SLC6A5: variants seen among roughly 807,000 people sequenced by gnomAD.
The protein encoded by SLC6A5 is sodium- and chloride-dependent glycine transporter 2.
A neutral mutation model predicts 90.5 loss-of-function variants in SLC6A5; 58 were observed. The observed-to-expected ratio is 0.64, with a 90% confidence interval of 0.52 to 0.80. SLC6A5 has a LOEUF of 0.80. Among genes scored for constraint, SLC6A5 ranks in the 30% least tolerant of loss-of-function variants. SLC6A5 has a pLI of 0.00. For synonymous variants in SLC6A5, 427 were observed against 401.4 expected (o/e 1.06, Z -0.76); for missense variants, 1,015 against 1,017.6 (o/e 1.00, Z 0.03).
chr11:20,642,385 C>T (rs916460807), intron 13 of SLC6A5, among the ~76,000 whole-genome samples: 5 of 152,086 alleles, frequency 3.3e-5, no homozygotes, highest in East Asian at 1.9e-4. Context: ...ATCTTTTGGT[C>T]GTATGCAGTT....
intron 11 of SLC6A5, 94 bp downstream of exon 11, chr11:20,636,513 C>A: frequency 3.8e-6 from 3 of 789,596 alleles, no homozygotes; most frequent in African/African-American, 1.7e-5. Flanking sequence ...GAGGGGTAGG[C>A]TTACGGGTGT....
In SLC6A5 at chr11:20,658,493, C is replaced by G. The variant is rs1590187809; in HGVS notation, c.*3625C>G. 1 of 152,244 alleles carries G rather than the reference C, an allele frequency of 6.6e-6. No homozygotes were observed. Among genetic ancestry groups the G allele is most frequent in the Admixed American group, 6.5e-5 (1 of 15,288 alleles). The allele number at this position is 152,244 out of a possible 1,614,324, so 9.4% of individuals were successfully genotyped here. A position where few individuals can be genotyped will look rare whatever the true frequency, so the allele number is the denominator to read the frequency against. On this transcript the variant is annotated 3_prime_UTR_variant, in exon 16 of 16. Transcript: ENST00000525748. ...CTTCTCTTTCACACTGGGTATCAAGCAGAAAACTTCCAGGCTGGGAGCAAA... is the reference window on the plus strand; with the variant it reads ...CTTCTCTTTCACACTGGGTATCAAGGAGAAAACTTCCAGGCTGGGAGCAAA...
intron 5 of SLC6A5, among the ~76,000 whole-genome samples, chr11:20,611,850 A>G (rs796308469): frequency 9.9e-5 from 15 of 151,592 alleles, no homozygotes; most frequent in African/African-American, 3.6e-4. Flanking sequence ...TTATCAGCAC[A>G]TGAGCGTGTT....
At chr11:20,630,452 A>G (rs1853086756) in intron 9 of SLC6A5, among the ~76,000 whole-genome samples, 1 of 152,232 alleles carries the variant, frequency 6.6e-6, no homozygotes, top group South Asian at 2.1e-4. Context: ...ATTTATATAG[A>G]TCGTGGAGTC....
intron 13 of SLC6A5, among the ~76,000 whole-genome samples, chr11:20,645,509 G>C (rs1359222522): frequency 6.6e-6 from 1 of 152,118 alleles, no homozygotes; most frequent in Non-Finnish European, 1.5e-5. Context: ...AGCGACCAAG[G>C]TCTAGAAAGA....
At chr11:20,644,002 A>G (rs187798964) in intron 13 of SLC6A5, among the ~76,000 whole-genome samples, 2 of 152,276 alleles carry the variant, frequency 1.3e-5, no homozygotes, top group African/African-American at 4.8e-5. Flanking sequence ...AGTTAATTTT[A>G]AGATTGAAGT....
At chr11:20,601,783 T>A in intron 2 of SLC6A5, 118 bp downstream of exon 2, 1 of 1,119,338 alleles carries the variant, frequency 8.9e-7, no homozygotes. Context: ...CAGTGCCAGG[T>A]GATGGATGCG....
At chr11:20,615,841 C>A (rs1361393368) in intron 6 of SLC6A5, among the ~76,000 whole-genome samples, 1 of 152,140 alleles carries the variant, frequency 6.6e-6, no homozygotes, top group East Asian at 1.9e-4. Flanking sequence ...GGGGTGGGGA[C>A]TGTAGCAAAC....
intron 8 of SLC6A5, among the ~76,000 whole-genome samples, 185 bp downstream of exon 8, chr11:20,627,027 A>T (rs913134728): frequency 7.9e-5 from 12 of 152,158 alleles, no homozygotes; most frequent in African/African-American, 2.9e-4. Flanking sequence ...GGGTTTTTAG[A>T]TTCCTGGAAT....
At chr11:20,627,915 G>T in intron 8 of SLC6A5, 65 bp from the exon 9 acceptor site, 1 of 1,187,896 alleles carries the variant, frequency 8.4e-7, no homozygotes, top group South Asian at 1.2e-5. Flanking sequence ...CTGGGTGTGT[G>T]ACTCCTCTCC....
intron 14 of SLC6A5, among the ~76,000 whole-genome samples, chr11:20,649,419 C>T (rs904819436): frequency 2.0e-5 from 3 of 152,134 alleles, no homozygotes; most frequent in African/African-American, 7.2e-5. Flanking sequence ...CTCTCATGGC[C>T]AGTCCCAGCC....
rs979821579 is a variant in SLC6A5 at position 20,638,473 on chromosome 11, G to A, written c.1884G>A (p.Met628Ile). Residue 628 changes from methionine to isoleucine, a missense_variant, in exon 13 of 16, where the codon ATG (methionine) becomes ATA (isoleucine). By Grantham distance (10) the Met-to-Ile change is conservative. This residue lies in a region of SLC6A5 where 442 missense variants were observed against 494.3 expected (regional missense o/e 0.89). Transcript: ENST00000525748. The stretch of plus-strand genomic sequence containing the variant: ...TCTCCTGTTAGGGTGGAATTTACAT[G>A]TTTCAGCTTGTGGACACCTATGCTG... ...FPMITQGGIYMFQLVDTYAAS... is the reference protein window; with the variant it reads ...FPMITQGGIYIFQLVDTYAAS... The A allele has an allele frequency of 8.7e-6, 14 of 1,611,308 alleles. No individual in the cohort carries two copies. The highest frequency in any genetic ancestry group is 1.6e-4 in the Middle Eastern group (1 of 6,078).
Position 20,654,817 on chromosome 11 carries a change from C to A in SLC6A5, c.2343C>A (p.Ser781=), listed in dbSNP as rs2133827697. The change falls in exon 16 of 16, where the codon TCC becomes TCA. Residue 781 remains serine, a synonymous_variant. Transcript: ENST00000525748. ...TGATCGACCCCTTGGGAACCTCTTCCTTGGGACTCAAACTGCCAGTGAAGG... is the reference window on the plus strand; with the variant it reads ...TGATCGACCCCTTGGGAACCTCTTCATTGGGACTCAAACTGCCAGTGAAGG... ...KNMIDPLGTS[S]LGLKLPVKDL... is the part of the protein sequence containing the mutation. 6.2e-7 allele frequency: 1 copy of A among 1,614,168 alleles called. No individual in the cohort carries two copies. The highest frequency in any genetic ancestry group is 1.1e-5 in the South Asian group (1 of 91,086).
chr11:20,601,048 C>T, intron 1 of SLC6A5, 81 bp from the exon 2 acceptor site: 1 of 1,423,368 alleles, frequency 7.0e-7, no homozygotes, highest in South Asian at 1.3e-5. Context: ...ACCTGAGTTG[C>T]GAACGTCTCC....
At chr11:20,640,493 GGACCACCCAGGGA>G (rs1853291306) in intron 13 of SLC6A5, among the ~76,000 whole-genome samples, 1 of 151,914 alleles carries the variant, frequency 6.6e-6, no homozygotes, top group South Asian at 2.1e-4. Context: ...ATTTTCCTTG[GGACCACCCAGGGA>G]ATCCCCTGGT....
chr11:20,636,309 C>T lies in SLC6A5; in HGVS notation c.1627C>T (p.Pro543Ser), dbSNP rs555858151. 4.2e-5 allele frequency: 67 copies of T among 1,603,994 alleles called. No individual in the cohort carries two copies. In the South Asian group the frequency reaches 6.2e-4, roughly 15 times the overall value. ...ATCATCTGTCTTGTTCCTTCCAGGG[C>T]CAGGCATTGCATTTGTGGTTTACCC... The part of the protein sequence containing the change: ...VNIENVADQG[P>S]GIAFVVYPEA... The change falls in exon 11 of 16, where the codon CCA (proline) becomes TCA (serine). Residue 543 changes from proline (P) to serine (S), a missense_variant and splice_region_variant. Physicochemically the swap from Pro to Ser is moderately conservative, Grantham distance 74. Transcript: ENST00000525748.
intron 14 of SLC6A5, among the ~76,000 whole-genome samples, chr11:20,650,791 T>C (rs995948375): frequency 2.0e-5 from 3 of 150,244 alleles, no homozygotes; most frequent in Admixed American, 1.3e-4. Flanking sequence ...CTCAGCCTCC[T>C]GAGTAGCTCG....
At position 20,607,055 on chromosome 11, in the gene SLC6A5, C is replaced by G. The variant is rs1254431908; in HGVS notation, c.728C>G (p.Pro243Arg). The change falls in exon 4 of 16, where the codon CCC becomes CGC. Residue 243 changes from proline (P) to arginine (R), a missense_variant. Coordinates refer to ENST00000525748, the MANE Select transcript of SLC6A5 (RefSeq NM_004211.5). ...ATGATGCTGGCTCTGGCTGGATTAC[C>G]CATCTTCTTCTTGGAGGTGTCGCTG... Reference protein sequence around the residue: ...YLMMLALAGLPIFFLEVSLGQ... With the variant: ...YLMMLALAGLRIFFLEVSLGQ... 3.7e-5 allele frequency: 60 copies of G among 1,613,916 alleles called. No homozygotes were observed. Among genetic ancestry groups the G allele is most frequent in the Non-Finnish European group, 5.0e-5 (59 of 1,180,020 alleles).
At chr11:20,607,867 A>G (rs1055526715) in intron 5 of SLC6A5, among the ~76,000 whole-genome samples, 1 of 152,216 alleles carries the variant, frequency 6.6e-6, no homozygotes, top group Non-Finnish European at 1.5e-5. Flanking sequence ...TTGCTTATGA[A>G]TAGCTGAAAT....
Sources: allele counts gnomAD v4.1 joint callset (sites outside exome capture counted in the v4.1 genomes callset), GRCh38; gene constraint gnomAD v4.1.1; regional missense constraint gnomAD v4.1.1; transcripts MANE v1.5; gene names NCBI Gene and HGNC (gene_info 2026-07-23, HGNC 2026-07-21).